The following RAPGEF4 variants were observed in gnomAD, a reference collection of about 807,000 sequenced individuals.
RAPGEF4 encodes RAP guanine-nucleotide-exchange factor (GEF) 4.
In RAPGEF4, 66 loss-of-function variants were observed where a neutral mutation model predicts 147.9. The observed-to-expected ratio is 0.45, with a 90% CI of 0.37 to 0.55. The LOEUF (loss-of-function observed/expected upper bound fraction) is 0.55, where lower values mean the gene tolerates loss of function less well. RAPGEF4 is among the 20% of genes least tolerant of loss of function. The probability of loss-of-function intolerance (pLI) is 0.00; values close to 1 mark genes in which losing one functional copy is unlikely to be tolerated. For missense variants in RAPGEF4, 1,071 were observed against 1,257.3 expected (o/e 0.85, Z 2.24); for synonymous variants, 419 against 442.7 (o/e 0.95, Z 0.67).
intron 4 of RAPGEF4, among the ~76,000 whole-genome samples, chr2:172,898,000 A>G (rs924896808): frequency 1.3e-5 from 2 of 152,082 alleles, no homozygotes; most frequent in African/African-American, 4.8e-5. Flanking sequence ...GTGTAATTTC[A>G]CAACATCACT....
chr2:172,973,107 C>CTTTTTTTTTTTTTTTTTTTT (rs58806286), intron 10 of RAPGEF4, among the ~76,000 whole-genome samples: 1 of 132,588 alleles, frequency 7.5e-6, no homozygotes, highest in Non-Finnish European at 1.6e-5. Context: ...CTTTTTTTTT[C>CTTTTTTTTTTTTTTTTTTTT]TTTTTTTTTT....
intron 1 of RAPGEF4, among the ~76,000 whole-genome samples, chr2:172,739,221 T>C (rs1694083592): frequency 6.6e-6 from 1 of 152,092 alleles, no homozygotes; most frequent in South Asian, 2.1e-4. Flanking sequence ...TAAAACAAGC[T>C]CACCACTATC....
At chr2:172,919,005 C>T (rs1490306226) in intron 5 of RAPGEF4, among the ~76,000 whole-genome samples, 1 of 152,184 alleles carries the variant, frequency 6.6e-6, no homozygotes, top group Non-Finnish European at 1.5e-5. Context: ...TCTGCCCTGT[C>T]TCCCCATTTG....
At chr2:172,835,266 A>T in intron 4 of RAPGEF4, among the ~76,000 whole-genome samples, 1 of 152,240 alleles carries the variant, frequency 6.6e-6, no homozygotes, top group East Asian at 1.9e-4. Flanking sequence ...GAGGACAGAT[A>T]TGCAGTTGCT....
chr2:172,933,680 G>C (rs1384633917), intron 6 of RAPGEF4, among the ~76,000 whole-genome samples: 1 of 152,124 alleles, frequency 6.6e-6, no homozygotes, highest in Non-Finnish European at 1.5e-5. Context: ...TATCAGGTTT[G>C]TTTTGGCCCC....
intron 29 of RAPGEF4, among the ~76,000 whole-genome samples, chr2:173,040,995 G>T (rs969359074): frequency 1.3e-5 from 2 of 152,056 alleles, no homozygotes; most frequent in African/African-American, 4.8e-5. Flanking sequence ...TTCTATTTCA[G>T]ACATACCCAT....
At chr2:173,041,042 G>A (rs565222654) in intron 29 of RAPGEF4, among the ~76,000 whole-genome samples, 1 of 152,126 alleles carries the variant, frequency 6.6e-6, no homozygotes, top group South Asian at 2.1e-4. Flanking sequence ...GATTTTTAAG[G>A]TAGTCATTTT....
chr2:173,011,380 A>G (rs1695012824), intron 17 of RAPGEF4, among the ~76,000 whole-genome samples: 1 of 152,128 alleles, frequency 6.6e-6, no homozygotes, highest in Non-Finnish European at 1.5e-5. Context: ...TATTCACTCA[A>G]CAACCTTGGC....
Position 173,017,283 on chromosome 2 carries a change from A to G in RAPGEF4, c.1929+79A>G, listed in dbSNP as rs1452401834. On this transcript the variant is annotated intron_variant, in intron 20 of 30. Transcript: ENST00000397081. ...CCAGAAATATTATATTGCAGTATACATAAAAGTGATTTCTTTTTTGTAGAC... is the reference window on the plus strand; with the variant it reads ...CCAGAAATATTATATTGCAGTATACGTAAAAGTGATTTCTTTTTTGTAGAC... 4.6e-6 allele frequency: 7 copies of G among 1,522,880 alleles called. No individual in the cohort carries two copies. In the East Asian group the frequency reaches 1.1e-4, roughly 25 times the overall value. The allele number at this position is 1,522,880 out of a possible 1,614,324, so 94.3% of individuals were successfully genotyped here.
At chr2:172,880,319 C>T (rs1446181617) in intron 4 of RAPGEF4, among the ~76,000 whole-genome samples, 1 of 152,218 alleles carries the variant, frequency 6.6e-6, no homozygotes, top group Non-Finnish European at 1.5e-5. Context: ...TCTCTAGGCT[C>T]CTAACCAGCA....
At chr2:172,899,510 T>C (rs1393287029) in intron 4 of RAPGEF4, among the ~76,000 whole-genome samples, 1 of 152,146 alleles carries the variant, frequency 6.6e-6, no homozygotes, top group Non-Finnish European at 1.5e-5. Context: ...GTGTGGAGAA[T>C]ACAAGGAAGC....
At chr2:173,019,461 A>C (rs1379378609) in intron 22 of RAPGEF4, among the ~76,000 whole-genome samples, 1 of 152,216 alleles carries the variant, frequency 6.6e-6, no homozygotes, top group African/African-American at 2.4e-5. Flanking sequence ...GGTAAGTTAA[A>C]ACAATTACAG....
intron 4 of RAPGEF4, among the ~76,000 whole-genome samples, chr2:172,832,003 C>G (rs1574977856): frequency 6.6e-6 from 1 of 152,172 alleles, no homozygotes; most frequent in Non-Finnish European, 1.5e-5. Context: ...GTGTTTTAAT[C>G]TGGCATATTA....
At chr2:172,780,838 G>A (rs1046190803) in intron 1 of RAPGEF4, among the ~76,000 whole-genome samples, 7 of 152,082 alleles carry the variant, frequency 4.6e-5, no homozygotes, top group Admixed American at 4.6e-4. Context: ...TCTTATAACT[G>A]CAATTATTGT....
chr2:172,863,006 G>A (rs1694203626), intron 4 of RAPGEF4, among the ~76,000 whole-genome samples: 1 of 152,084 alleles, frequency 6.6e-6, no homozygotes, highest in African/African-American at 2.4e-5. Context: ...AATATGACCT[G>A]AGACAGGATG....
Position 172,996,498 on chromosome 2 carries a change from T to G in RAPGEF4, c.1523T>G (p.Ile508Ser). Residue 508 changes from isoleucine to serine, a missense_variant, in exon 16 of 31, where the codon ATT becomes AGT. Physicochemically the swap from Ile to Ser is moderately radical, Grantham distance 142. Coordinates refer to ENST00000397081, the MANE Select transcript of RAPGEF4 (RefSeq NM_007023.4). ...YTVMSGTPEKILEHFLETIRL... is the reference protein window; with the variant it reads ...YTVMSGTPEKSLEHFLETIRL... The stretch of plus-strand genomic sequence containing the variant: ...GTGATGTCAGGAACACCTGAAAAAA[T>G]TTTAGAGCATTTTCTAGAAACAATA... 1 of 1,582,546 alleles carries G rather than the reference T, an allele frequency of 6.3e-7. No individual in the cohort carries two copies. The highest frequency in any genetic ancestry group is 8.6e-7 in the Non-Finnish European group (1 of 1,169,576).
chr2:172,793,291 A>T (rs72902300), intron 1 of RAPGEF4, among the ~76,000 whole-genome samples: 1 of 152,088 alleles, frequency 6.6e-6, no homozygotes, highest in Non-Finnish European at 1.5e-5. Flanking sequence ...ACAAGACCCT[A>T]TTTCCAAAGA....
At chr2:172,974,346 T>C (rs1474111583) in intron 10 of RAPGEF4, among the ~76,000 whole-genome samples, 1 of 152,124 alleles carries the variant, frequency 6.6e-6, no homozygotes, top group Non-Finnish European at 1.5e-5. Flanking sequence ...GGTTTATGCT[T>C]TGAGCATTGG....
intron 4 of RAPGEF4, among the ~76,000 whole-genome samples, chr2:172,869,086 A>G (rs571911455): frequency 2.6e-3 from 400 of 152,338 alleles, no homozygotes; most frequent in African/African-American, 9.2e-3. Flanking sequence ...CAAAGTTTAC[A>G]TTAAATAACA....
Sources: gnomAD v4.1 joint callset for allele counts (sites outside exome capture counted in the v4.1 genomes callset) on GRCh38, gnomAD v4.1.1 for gene constraint, MANE v1.5 for transcripts, NCBI Gene and HGNC (gene_info 2026-07-23, HGNC 2026-07-21) for gene names.